Variants in TTC6 observed in about 807,000 individuals in gnomAD.
TTC6 encodes tetratricopeptide repeat protein 6.
A neutral mutation model predicts 210.4 loss-of-function variants in TTC6; 172 were observed. That is an observed-to-expected ratio of 0.82 (90% CI 0.72 to 0.93). The LOEUF (loss-of-function observed/expected upper bound fraction) is 0.93. TTC6 is among the 40% of genes least tolerant of loss of function. TTC6 has a pLI of 0.00. For missense variants in TTC6, 2,414 were observed against 2,318.1 expected (o/e 1.04, Z -0.85); for synonymous variants, 804 against 819.6 (o/e 0.98, Z 0.32).
intron 1 of TTC6, among the ~76,000 whole-genome samples, chr14:37,603,639 T>G (rs1215814254): frequency 1.3e-5 from 2 of 152,206 alleles, no homozygotes; most frequent in African/African-American, 2.4e-5. Context: ...CAGACCAACC[T>G]GTCCTCCCAA....
intron 14 of TTC6, among the ~76,000 whole-genome samples, chr14:37,767,188 C>T (rs902756511): frequency 3.3e-5 from 5 of 152,142 alleles, no homozygotes; most frequent in African/African-American, 1.2e-4. Context: ...TTTTCTTAAT[C>T]CAGTCTATCA....
intron 1 of TTC6, among the ~76,000 whole-genome samples, chr14:37,633,651 T>C (rs1474758666): frequency 6.6e-6 from 1 of 152,174 alleles, no homozygotes; most frequent in Non-Finnish European, 1.5e-5. Context: ...CTGTTACAAG[T>C]TCCCCCTACC....
At chr14:37,654,232 T>C (rs753357370) in intron 1 of TTC6, among the ~76,000 whole-genome samples, 4 of 152,144 alleles carry the variant, frequency 2.6e-5, no homozygotes, top group Admixed American at 1.3e-4. Context: ...AGATAGCGAG[T>C]GAGTTATTGT....
At chr14:37,824,588 C>T (rs2096165937) in intron 27 of TTC6, among the ~76,000 whole-genome samples, 1 of 152,124 alleles carries the variant, frequency 6.6e-6, no homozygotes, top group South Asian at 2.1e-4. Flanking sequence ...CTTCTTCTTG[C>T]AGAGTTTACT....
intron 29 of TTC6, among the ~76,000 whole-genome samples, chr14:37,836,006 C>T (rs2096197052): frequency 6.6e-6 from 1 of 152,136 alleles, no homozygotes; most frequent in Admixed American, 6.6e-5. Flanking sequence ...TTGAAACCCT[C>T]CTTCTTTCTT....
rs552888434 is a variant in TTC6 at position 37,720,106 on chromosome 14, C to G, written c.1714-4792C>G. Reference sequence around the variant, plus strand: ...ATGAAAAGATGCGCAACATCATTAGCTATTAGGGAAATGCAAATTAAAACC... The same window carrying G: ...ATGAAAAGATGCGCAACATCATTAGGTATTAGGGAAATGCAAATTAAAACC... On this transcript the variant is annotated intron_variant, in intron 6 of 30. Coordinates refer to ENST00000553443, the Ensembl canonical transcript of TTC6. Among the ~76,000 whole-genome samples the G allele has an allele frequency of 2.0e-5, 3 of 152,118 alleles. No homozygotes were observed. In the East Asian group the frequency reaches 5.8e-4, roughly 29 times the overall value.
rs1345118510 is a variant in TTC6 at position 37,817,654 on chromosome 14, A to G, written c.4763+3A>G. On this transcript the variant is annotated splice_donor_region_variant and intron_variant, in intron 26 of 30. Coordinates refer to ENST00000553443, the Ensembl canonical transcript of TTC6. ...GCCACTGCCATGTGCCATCACAGGTATGGAGTGCAATTGATGTCAAAGTGG... is the reference window on the plus strand; with the variant it reads ...GCCACTGCCATGTGCCATCACAGGTGTGGAGTGCAATTGATGTCAAAGTGG... 9.3e-6 allele frequency: 15 copies of G among 1,613,740 alleles called. No individual in the cohort carries two copies. The highest frequency in any genetic ancestry group is 1.7e-5 in the Admixed American group (1 of 59,996).
chr14:37,706,854 C>A (rs2095836531), intron 5 of TTC6, among the ~76,000 whole-genome samples: 1 of 151,608 alleles, frequency 6.6e-6, no homozygotes, highest in African/African-American at 2.4e-5. Context: ...TAGTTGTGTC[C>A]CTTGTAGATT....
intron 5 of TTC6, among the ~76,000 whole-genome samples, chr14:37,701,823 T>A (rs567689796): frequency 6.6e-6 from 1 of 152,242 alleles, no homozygotes; most frequent in South Asian, 2.1e-4. Context: ...GATGTGGAAA[T>A]TGAGAGTAAT....
At chr14:37,637,957 T>G (rs1231095120) in intron 1 of TTC6, among the ~76,000 whole-genome samples, 1 of 152,234 alleles carries the variant, frequency 6.6e-6, no homozygotes, top group Non-Finnish European at 1.5e-5. Flanking sequence ...GCTACTACTA[T>G]GTGATCTAAC....
chr14:37,811,033 A>G (rs34469876), intron 24 of TTC6, among the ~76,000 whole-genome samples: 1 of 152,190 alleles, frequency 6.6e-6, no homozygotes, highest in African/African-American at 2.4e-5. Context: ...GGGGCTAGTA[A>G]TGATAACAGA....
intron 1 of TTC6, 60 bp downstream of exon 1, chr14:37,596,068 G>T (rs928899387): frequency 2.0e-5 from 3 of 151,672 alleles, no homozygotes; most frequent in Non-Finnish European, 4.4e-5. Context: ...GTTCCGCCTC[G>T]GTCCGCTCCT....
chr14:37,622,782 C>T (rs1221628000), exon 1 of TTC6: 2 of 1,534,444 alleles, frequency 1.3e-6, no homozygotes, highest in African/African-American at 2.7e-5. Context: ...CCGCGAGGCG[C>T]GGGAAGCGGC....
intron 2 of TTC6, among the ~76,000 whole-genome samples, chr14:37,613,121 A>ATCAGAT (rs1236687777): frequency 2.6e-5 from 4 of 152,118 alleles, no homozygotes; most frequent in Non-Finnish European, 5.9e-5. Flanking sequence ...GATTCTCTTA[A>ATCAGAT]TCAGATTGAG....
At position 37,735,908 on chromosome 14, in the gene TTC6, C is replaced by G; in HGVS notation, c.1819-13C>G. Reference sequence around the variant, plus strand: ...CCAAAACATAATTTAAAATTGTTATCTTTTTATCACAGAGTGTTCAAGCAA... The same window carrying G: ...CCAAAACATAATTTAAAATTGTTATGTTTTTATCACAGAGTGTTCAAGCAA... On this transcript the variant is annotated splice_polypyrimidine_tract_variant and intron_variant, in intron 7 of 30. Coordinates refer to ENST00000553443, the Ensembl canonical transcript of TTC6. 6.8e-7 allele frequency: 1 copy of G among 1,473,140 alleles called. No homozygotes were observed. The highest frequency in any genetic ancestry group is 9.1e-7 in the Non-Finnish European group (1 of 1,098,338). 91.3% of individuals were successfully genotyped at this position (1,473,140 alleles called of 1,614,324 possible). A position where few individuals can be genotyped will look rare whatever the true frequency, so the allele number is the denominator to read the frequency against.
intron 1 of TTC6, among the ~76,000 whole-genome samples, chr14:37,644,521 A>G (rs1156717922): frequency 6.6e-6 from 1 of 152,218 alleles, no homozygotes; most frequent in African/African-American, 2.4e-5. Flanking sequence ...CCAGCTACAA[A>G]AGAGGATGAA....
At chr14:37,785,598 G>A (rs1029833293) in intron 14 of TTC6, among the ~76,000 whole-genome samples, 8 of 152,170 alleles carry the variant, frequency 5.3e-5, no homozygotes, top group African/African-American at 1.7e-4. Flanking sequence ...TGTTTTTACC[G>A]ATCGTCTGAA....
chr14:37,637,093 CAACA>C (rs1012000773), intron 1 of TTC6, among the ~76,000 whole-genome samples: 7 of 151,948 alleles, frequency 4.6e-5, no homozygotes, highest in East Asian at 1.9e-4. Context: ...AAAACAACAA[CAACA>C]AACAAACAAA....
intron 12 of TTC6, 93 bp downstream of exon 14, chr14:37,749,936 A>G (rs2095946820): frequency 2.3e-6 from 2 of 877,592 alleles, no homozygotes; most frequent in South Asian, 1.1e-4. Flanking sequence ...ATCAGTAGAT[A>G]TATGTCCTGA....
Sources: allele counts gnomAD v4.1 joint callset (sites outside exome capture counted in the v4.1 genomes callset), GRCh38; gene constraint gnomAD v4.1.1; transcripts MANE v1.5; gene names NCBI Gene and HGNC (gene_info 2026-07-23, HGNC 2026-07-21).